Variants in SYT14 observed in about 807,000 individuals in gnomAD.
The protein encoded by SYT14 is synaptotagmin 14, also known as synaptotagmin-14.
A neutral mutation model predicts 74.2 loss-of-function variants in SYT14; 32 were observed. The observed-to-expected ratio is 0.43, with a 90% CI of 0.33 to 0.58. The LOEUF is 0.58. Ranked by LOEUF, SYT14 falls within the 20% of genes least tolerant of loss-of-function variation. The pLI, the probability that SYT14 is intolerant of heterozygous loss-of-function variation, is 0.05. For synonymous variants in SYT14, 298 were observed against 337.7 expected (o/e 0.88, Z 1.29); for missense variants, 791 against 981.8 (o/e 0.81, Z 2.60).
chr1:210,142,980 G>C (rs1403738599), intron 7 of SYT14, among the ~76,000 whole-genome samples: 1 of 152,178 alleles, frequency 6.6e-6, no homozygotes, highest in Non-Finnish European at 1.5e-5. Flanking sequence ...ACTTTCAGTA[G>C]ATCAATTACT....
chr1:210,126,821 C>T (rs1056824706), intron 7 of SYT14, among the ~76,000 whole-genome samples: 1 of 152,072 alleles, frequency 6.6e-6, no homozygotes, highest in Non-Finnish European at 1.5e-5. Context: ...TTGGATGTTT[C>T]TCACCATTTT....
intron 2 of SYT14, among the ~76,000 whole-genome samples, chr1:210,013,334 T>A (rs969411401): frequency 2.0e-5 from 3 of 152,036 alleles, no homozygotes; most frequent in African/African-American, 7.2e-5. Context: ...CCTCCCACAG[T>A]GCTGGGATTA....
At chr1:209,990,563 A>ATATATATATACG (rs1558114770) in intron 2 of SYT14, among the ~76,000 whole-genome samples, 64 of 111,482 alleles carry the variant, frequency 5.7e-4, no homozygotes, top group African/African-American at 1.8e-3. Flanking sequence ...ATATATACGT[A>ATATATATATACG]TATATATGTA....
intron 2 of SYT14, among the ~76,000 whole-genome samples, chr1:209,994,302 T>C (rs765752239): frequency 5.9e-5 from 9 of 152,148 alleles, no homozygotes; most frequent in Non-Finnish European, 1.0e-4. Context: ...AAGAACCAAC[T>C]GAACTTCTAG....
chr1:210,033,042 A>T (rs1254553817), intron 5 of SYT14, among the ~76,000 whole-genome samples: 1 of 151,886 alleles, frequency 6.6e-6, no homozygotes, highest in East Asian at 1.9e-4. Flanking sequence ...AGGGGAGACA[A>T]AAAAAGTAGA....
intron 7 of SYT14, among the ~76,000 whole-genome samples, chr1:210,151,516 T>TCC (rs2083162850): frequency 7.8e-6 from 1 of 128,630 alleles, no homozygotes; most frequent in Non-Finnish European, 1.8e-5. Flanking sequence ...CCCCCCCCTT[T>TCC]TTTTTTTTTT....
At chr1:210,155,076 T>C (rs1454213739) in intron 7 of SYT14, among the ~76,000 whole-genome samples, 1 of 152,182 alleles carries the variant, frequency 6.6e-6, no homozygotes, top group Non-Finnish European at 1.5e-5. Flanking sequence ...GTATTTTGAG[T>C]CCATGTTATT....
intron 5 of SYT14, among the ~76,000 whole-genome samples, chr1:210,047,419 A>G (rs1312003617): frequency 2.0e-5 from 3 of 151,932 alleles, no homozygotes; most frequent in Non-Finnish European, 4.4e-5. Flanking sequence ...TATTTTTGAG[A>G]TGGAGTCTCA....
At chr1:210,039,849 A>G (rs1267995743) in intron 5 of SYT14, among the ~76,000 whole-genome samples, 3 of 152,176 alleles carry the variant, frequency 2.0e-5, no homozygotes, top group Non-Finnish European at 2.9e-5. Flanking sequence ...CACGCCAGTT[A>G]GAATGGTGAT....
intron 7 of SYT14, among the ~76,000 whole-genome samples, chr1:210,149,654 A>G (rs534030569): frequency 6.6e-6 from 1 of 152,356 alleles, no homozygotes; most frequent in South Asian, 2.1e-4. Flanking sequence ...CTTAGGAAAG[A>G]AAAAGTGATC....
At chr1:210,066,906 TA>T (rs113389266) in intron 5 of SYT14, among the ~76,000 whole-genome samples, 1 of 152,074 alleles carries the variant, frequency 6.6e-6, no homozygotes, top group Non-Finnish European at 1.5e-5. Flanking sequence ...ACCAGTGTCA[TA>T]AAAAATTTTT....
At chr1:210,121,638 CA>C (rs771295443) in intron 7 of SYT14, among the ~76,000 whole-genome samples, 2 of 151,660 alleles carry the variant, frequency 1.3e-5, no homozygotes, top group East Asian at 3.9e-4. Context: ...ACTAAAAATA[CA>C]AAAAATTAGC....
At chr1:210,135,170 C>A (rs1028631011) in intron 7 of SYT14, among the ~76,000 whole-genome samples, 6 of 152,094 alleles carry the variant, frequency 3.9e-5, no homozygotes, top group African/African-American at 7.2e-5. Context: ...TTAGTAGAGA[C>A]AGGGTTTTGC....
In SYT14 at chr1:210,036,109, G is replaced by C. The variant is rs190412822; in HGVS notation, c.1312+14855G>C. The stretch of plus-strand genomic sequence containing the variant: ...TTAGTGTTTGGTAGTTTTCCTTGTA[G>C]AGATCTTTCACCTTCGTGGTTGAAT... On this transcript the variant is annotated intron_variant, in intron 5 of 9. Coordinates refer to ENST00000637265, the Ensembl canonical transcript of SYT14. 1.6e-4 allele frequency among the ~76,000 whole-genome samples: 25 copies of C among 152,128 alleles called. No individual in the cohort carries two copies. The East Asian group carries it at 3.1e-3, about 19-fold the overall frequency.
chr1:210,071,355 G>A (rs1278610980), intron 5 of SYT14, among the ~76,000 whole-genome samples: 3 of 98,366 alleles, frequency 3.0e-5, no homozygotes, highest in Non-Finnish European at 7.7e-5. Flanking sequence ...GGAGTAATAT[G>A]TGTTTCTACA....
intron 7 of SYT14, among the ~76,000 whole-genome samples, chr1:210,110,582 G>A (rs1331981286): frequency 6.6e-6 from 1 of 152,108 alleles, no homozygotes; most frequent in Non-Finnish European, 1.5e-5. Flanking sequence ...GGAGTCCAAA[G>A]CAAAGATTAA....
At chr1:210,117,080 TATA>T (rs2082376576) in intron 7 of SYT14, among the ~76,000 whole-genome samples, 1 of 152,108 alleles carries the variant, frequency 6.6e-6, no homozygotes. Flanking sequence ...CAGTCAAGAG[TATA>T]ATGCCACAGA....
intron 5 of SYT14, among the ~76,000 whole-genome samples, chr1:210,066,461 A>G (rs1458171560): frequency 2.0e-5 from 3 of 152,126 alleles, no homozygotes; most frequent in Non-Finnish European, 1.5e-5. Flanking sequence ...TTTGATTTGC[A>G]TTTCTCTGAT....
intron 5 of SYT14, among the ~76,000 whole-genome samples, chr1:210,092,379 A>G (rs1165907416): frequency 1.3e-5 from 2 of 152,186 alleles, no homozygotes; most frequent in Non-Finnish European, 2.9e-5. Context: ...GCATGCCAGT[A>G]GAGTCTACCT....
Sources: gnomAD v4.1 joint callset for allele counts (sites outside exome capture counted in the v4.1 genomes callset) on GRCh38, gnomAD v4.1.1 for gene constraint, MANE v1.5 for transcripts, NCBI Gene and HGNC (gene_info 2026-07-23, HGNC 2026-07-21) for gene names.